The following NUBPL variants were observed in gnomAD, a reference collection of about 807,000 sequenced individuals.
The protein encoded by NUBPL is NUBP iron-sulfur cluster assembly factor, mitochondrial, also known as iron-sulfur cluster transfer protein NUBPL.
NUBPL carries 31 observed loss-of-function variants against 45.7 expected under a neutral mutation model. The ratio of observed to expected loss-of-function variants is 0.68; its 90% CI spans 0.51 to 0.92. The LOEUF is 0.92. Among genes scored for constraint, NUBPL ranks in the 40% least tolerant of loss-of-function variants. The probability of loss-of-function intolerance (pLI) is 0.00; values close to 1 mark genes in which losing one functional copy is unlikely to be tolerated. For synonymous variants in NUBPL, 144 were observed against 140.9 expected, an observed-to-expected ratio of 1.02 and a Z score of -0.15; for missense variants, 401 against 398.7, an observed-to-expected ratio of 1.01 and a Z score of -0.05.
intron 7 of NUBPL, among the ~76,000 whole-genome samples, chr14:31,815,958 T>C (rs140006836): frequency 0.076 from 11,622 of 152,288 alleles, 495 homozygotes; most frequent in Non-Finnish European, 0.092. Context: ...TGAGGATTTT[T>C]GCATTGATGT....
chr14:31,806,951 T>C (rs896574553), intron 7 of NUBPL, among the ~76,000 whole-genome samples: 1 of 151,986 alleles, frequency 6.6e-6, no homozygotes, highest in Non-Finnish European at 1.5e-5. Context: ...GGACATGAAC[T>C]CATCCTTTTT....
At chr14:31,739,738 A>T (rs1595565579) in intron 6 of NUBPL, among the ~76,000 whole-genome samples, 3 of 152,240 alleles carry the variant, frequency 2.0e-5, no homozygotes, top group Non-Finnish European at 2.9e-5. Flanking sequence ...TTGACAATAT[A>T]TAATGACATA....
intron 9 of NUBPL, among the ~76,000 whole-genome samples, chr14:31,848,019 C>T (rs965840686): frequency 2.0e-4 from 30 of 152,134 alleles, no homozygotes; most frequent in African/African-American, 7.2e-4. Flanking sequence ...TACAAATGAG[C>T]TGAACAATTT....
intron 6 of NUBPL, among the ~76,000 whole-genome samples, chr14:31,750,476 C>A (rs149744837): frequency 1.3e-5 from 2 of 151,560 alleles, no homozygotes; most frequent in African/African-American, 2.4e-5. Context: ...GGATTACAAG[C>A]GTGAGCCACC....
In NUBPL at chr14:31,735,252, T is replaced by C. The variant is rs185864288; in HGVS notation, c.514-52528T>C. On this transcript the variant is annotated intron_variant, in intron 6 of 10. Coordinates refer to ENST00000281081, the MANE Select transcript of NUBPL (RefSeq NM_025152.3). ...CTAGTAGATTTCTATGTAATTTGTA[T>C]ATATATTAAATTACCTTTTCAATTA... Among the ~76,000 whole-genome samples the C allele has an allele frequency of 1.5e-4, 23 of 152,332 alleles. 2 individuals carry two copies. Among genetic ancestry groups the C allele is most frequent in the Admixed American group, 1.4e-3 (21 of 15,302 alleles).
chr14:31,847,138 G>A (rs1354043547), intron 9 of NUBPL, among the ~76,000 whole-genome samples: 2 of 152,088 alleles, frequency 1.3e-5, no homozygotes, highest in African/African-American at 2.4e-5. Context: ...TTAAATTTGA[G>A]AATAGAGTTT....
chr14:31,729,652 A>AT (rs1453855379), intron 6 of NUBPL, among the ~76,000 whole-genome samples: 1 of 151,784 alleles, frequency 6.6e-6, no homozygotes, highest in Admixed American at 6.6e-5. Context: ...ATTTTTATGT[A>AT]TTTTTCTTGT....
chr14:31,816,716 T>A lies in NUBPL; in HGVS notation c.608-9913T>A, dbSNP rs748022369. 1.1e-4 allele frequency among the ~76,000 whole-genome samples: 16 copies of A among 152,190 alleles called. 1 individual carries two copies. The highest frequency in any genetic ancestry group is 3.3e-4 in the Admixed American group (5 of 15,278). On this transcript the variant is annotated intron_variant, in intron 7 of 10. Transcript: ENST00000281081. ...ACCACTTTAGCTGTGTCCCAGAGAT[T>A]CTGGTTTGTCGTCTCTTTGTTCTCA...
intron 7 of NUBPL, among the ~76,000 whole-genome samples, chr14:31,807,873 A>G (rs1025461386): frequency 6.6e-6 from 1 of 152,232 alleles, no homozygotes; most frequent in Non-Finnish European, 1.5e-5. Flanking sequence ...CATTTATTAA[A>G]TAGGGAATCC....
chr14:31,605,322 C>G (rs2034554928), intron 4 of NUBPL, among the ~76,000 whole-genome samples: 3 of 152,142 alleles, frequency 2.0e-5, no homozygotes, highest in South Asian at 2.1e-4. Context: ...TGAAAAATCA[C>G]TTTCAGAATA....
chr14:31,624,352 G>A (rs1012703957), intron 4 of NUBPL, among the ~76,000 whole-genome samples: 2 of 152,154 alleles, frequency 1.3e-5, no homozygotes, highest in East Asian at 3.9e-4. Flanking sequence ...GTTATGATAT[G>A]TTGAATTTGG....
At chr14:31,772,837 AG>A (rs1178216390) in intron 6 of NUBPL, among the ~76,000 whole-genome samples, 1 of 152,200 alleles carries the variant, frequency 6.6e-6, no homozygotes, top group Non-Finnish European at 1.5e-5. Context: ...GTGACTTTAG[AG>A]GGGTTTATTT....
intron 6 of NUBPL, among the ~76,000 whole-genome samples, chr14:31,765,634 GT>G (rs55773928): frequency 0.64 from 95,929 of 149,088 alleles, 30,890 homozygotes; most frequent in African/African-American, 0.73. Flanking sequence ...AAAGCAACAG[GT>G]TTTTTTTTTT....
chr14:31,802,890 G>A (rs1282395899), intron 7 of NUBPL, among the ~76,000 whole-genome samples: 1 of 152,140 alleles, frequency 6.6e-6, no homozygotes, highest in African/African-American at 2.4e-5. Context: ...TTAAGACATT[G>A]TAATATTTCA....
At chr14:31,828,782 C>G (rs543782704) in intron 8 of NUBPL, among the ~76,000 whole-genome samples, 2 of 152,078 alleles carry the variant, frequency 1.3e-5, no homozygotes, top group Non-Finnish European at 2.9e-5. Context: ...TACCTGTGAA[C>G]GTGGATACTT....
intron 8 of NUBPL, among the ~76,000 whole-genome samples, chr14:31,841,923 T>TTTTGTTTTTG (rs2040378623): frequency 9.0e-6 from 1 of 110,948 alleles, no homozygotes; most frequent in African/African-American, 3.7e-5. Context: ...TGGGCTTTTT[T>TTTTGTTTTTG]TTTTTTTTTT....
chr14:31,602,089 G>T (rs995126360), intron 4 of NUBPL, among the ~76,000 whole-genome samples: 18 of 152,138 alleles, frequency 1.2e-4, no homozygotes, highest in Admixed American at 6.5e-5. Context: ...GTTCTTTGTA[G>T]GGACATGGAT....
rs1294149229 is a variant in NUBPL at position 31,859,200 on chromosome 14, AT to A, written c.*23del. The A allele has an allele frequency of 2.5e-6, 4 of 1,608,894 alleles. No individual in the cohort carries two copies. The highest frequency in any genetic ancestry group is 3.4e-6 in the Non-Finnish European group (4 of 1,175,486). On this transcript the variant is annotated 3_prime_UTR_variant, in exon 11 of 11. Transcript: ENST00000281081. The stretch of plus-strand genomic sequence containing the variant: ...GAATGATTCCCCAAGTGTCCTGGAA[AT>A]TTGCCTGGTACTGACATTAAGAGGA...
chr14:31,597,054 A>ATGCTGTTCT (rs2139548210), intron 3 of NUBPL, among the ~76,000 whole-genome samples: 1 of 152,112 alleles, frequency 6.6e-6, no homozygotes, highest in Non-Finnish European at 1.5e-5. Context: ...ATGTCCCTTT[A>ATGCTGTTCT]TCCTGTTCTT....
Sources: gnomAD v4.1 joint callset for allele counts (sites outside exome capture counted in the v4.1 genomes callset) on GRCh38, gnomAD v4.1.1 for gene constraint, MANE v1.5 for transcripts, NCBI Gene and HGNC (gene_info 2026-07-23, HGNC 2026-07-21) for gene names.